The following C8orf74 variants were observed in gnomAD, a reference collection of about 807,000 sequenced individuals.
The protein encoded by C8orf74 is uncharacterized protein C8orf74.
A neutral mutation model predicts 22.2 loss-of-function variants in C8orf74; 29 were observed. The observed-to-expected ratio is 1.31, with a 90% CI of 0.97 to 1.78. The LOEUF is 1.78. Among genes scored for constraint, C8orf74 ranks in the 40% most tolerant of loss-of-function variants. The probability of loss-of-function intolerance (pLI) is 0.00; values close to 1 mark genes in which losing one functional copy is unlikely to be tolerated. For missense variants in C8orf74, 515 were observed against 369.9 expected (o/e 1.39, Z -3.22); for synonymous variants, 255 against 163.1 (o/e 1.56, Z -4.30).
chr8:10,694,914 G>A (rs941589649), intron 2 of C8orf74, among the ~76,000 whole-genome samples: 1 of 151,994 alleles, frequency 6.6e-6, no homozygotes, highest in African/African-American at 2.4e-5. Flanking sequence ...ATGGATGGGT[G>A]GACGGATGGA....
intron 1 of C8orf74, among the ~76,000 whole-genome samples, chr8:10,674,231 A>G (rs1368228516): frequency 1.1e-5 from 1 of 87,876 alleles, no homozygotes; most frequent in Non-Finnish European, 2.2e-5. Flanking sequence ...CCACAACCCC[A>G]TATCATACCC....
Position 10,680,544 on chromosome 8 carries a change from C to T in C8orf74, c.241+5706C>T, listed in dbSNP as rs545813938. 2.0e-5 allele frequency among the ~76,000 whole-genome samples: 3 copies of T among 152,334 alleles called. No homozygotes were observed. The South Asian group carries it at 6.2e-4, about 32-fold the overall frequency. On this transcript the variant is annotated intron_variant, in intron 2 of 3. Coordinates refer to ENST00000304519, the MANE Select transcript of C8orf74 (RefSeq NM_001040032.2). The stretch of plus-strand genomic sequence containing the variant: ...CATGGTTCAGGGCAAGAAGGAGCTG[C>T]ACGCAGGCCATCAGGGTGCTCACTG...
intron 3 of C8orf74, among the ~76,000 whole-genome samples, chr8:10,699,119 T>C (rs921452794): frequency 6.6e-6 from 1 of 152,190 alleles, no homozygotes; most frequent in Non-Finnish European, 1.5e-5. Context: ...TGCAGGGACC[T>C]TGCTCTAGCA....
At position 10,697,976 on chromosome 8, in the gene C8orf74, G is replaced by A. The variant is rs1220245125; in HGVS notation, c.619G>A (p.Ala207Thr). 6.0e-6 allele frequency: 9 copies of A among 1,511,714 alleles called. No homozygotes were observed. The highest frequency in any genetic ancestry group is 7.9e-6 in the Non-Finnish European group (9 of 1,132,822). The allele number at this position is 1,511,714 out of a possible 1,614,324, so 93.6% of individuals were successfully genotyped here. Residue 207 changes from alanine (A) to threonine (T), a missense_variant, in exon 3 of 4, where the codon GCG (alanine) becomes ACG (threonine). Ala to Thr is a moderately conservative substitution (Grantham distance 58). Transcript: ENST00000304519. ...GAAGGCGTTCGCTGCCGCCGCGCCT[G>A]CGCAGCCCGGCCAGGTCCTGGAGAG... ...LQKAFAAAAPAQPGQVLERQE... is the reference protein window; with the variant it reads ...LQKAFAAAAPTQPGQVLERQE...
At chr8:10,677,953 C>T (rs751877306) in intron 2 of C8orf74, among the ~76,000 whole-genome samples, 10 of 152,208 alleles carry the variant, frequency 6.6e-5, no homozygotes, top group Non-Finnish European at 1.3e-4. Flanking sequence ...GATACCACCT[C>T]GTTCAGACTG....
chr8:10,686,925 G>A (rs1289205673), intron 2 of C8orf74, among the ~76,000 whole-genome samples: 1 of 152,214 alleles, frequency 6.6e-6, no homozygotes, highest in Non-Finnish European at 1.5e-5. Context: ...AGGAAAGAAA[G>A]AGCCTCCACT....
chr8:10,700,382 C>G lies in C8orf74; in HGVS notation c.796C>G (p.Pro266Ala). Residue 266 changes from proline (P) to alanine (A), a missense_variant, in exon 4 of 4, where the codon CCG becomes GCG. Coordinates refer to ENST00000304519, the MANE Select transcript of C8orf74 (RefSeq NM_001040032.2). ...TLNLNAPTPI[P>A]PPITSHAGQE... The stretch of plus-strand genomic sequence containing the variant: ...GAACCTCAACGCCCCCACCCCTATC[C>G]CGCCCCCCATCACCAGCCACGCAGG... 6.2e-7 allele frequency: 1 copy of G among 1,608,056 alleles called. No individual in the cohort carries two copies. The highest frequency in any genetic ancestry group is 8.5e-7 in the Non-Finnish European group (1 of 1,174,906).
chr8:10,695,613 G>T (rs534172073), intron 2 of C8orf74, among the ~76,000 whole-genome samples: 1 of 152,308 alleles, frequency 6.6e-6, no homozygotes, highest in East Asian at 1.9e-4. Context: ...TACAGAGCAA[G>T]ACAGCCTCAG....
chr8:10,681,522 G>A (rs1015878996), intron 2 of C8orf74, among the ~76,000 whole-genome samples: 2 of 152,090 alleles, frequency 1.3e-5, no homozygotes, highest in African/African-American at 4.8e-5. Context: ...GGGTGCCCAG[G>A]AGGCCTGCAC....
chr8:10,680,249 G>A (rs1039380181), intron 2 of C8orf74, among the ~76,000 whole-genome samples: 2 of 152,306 alleles, frequency 1.3e-5, no homozygotes, highest in African/African-American at 4.8e-5. Flanking sequence ...ATCCCACTGC[G>A]GTCACGACAC....
intron 2 of C8orf74, among the ~76,000 whole-genome samples, chr8:10,682,490 G>T (rs1372827992): frequency 1.3e-5 from 2 of 152,154 alleles, no homozygotes; most frequent in African/African-American, 2.4e-5. Flanking sequence ...GTGGACATCC[G>T]CCTTCTCCCC....
intron 3 of C8orf74, among the ~76,000 whole-genome samples, chr8:10,699,603 G>A (rs1214831091): frequency 6.6e-6 from 1 of 152,198 alleles, no homozygotes; most frequent in Non-Finnish European, 1.5e-5. Flanking sequence ...TAACTCTGAT[G>A]GAGTTGACCA....
chr8:10,680,034 A>G (rs958555209), intron 2 of C8orf74: 3 of 152,422 alleles, frequency 2.0e-5, no homozygotes, highest in African/African-American at 7.2e-5. Context: ...CATATGGCAC[A>G]GAATAGGAGT....
In C8orf74 at chr8:10,687,850, A is replaced by G. The variant is rs115726771; in HGVS notation, c.242-9749A>G. On this transcript the variant is annotated intron_variant, in intron 2 of 3. Transcript: ENST00000304519. ...GCATAAATTATAAATCTTCATCTTGATATTTCTCAGAAAGTGTGCCCATTT... is the reference window on the plus strand; with the variant it reads ...GCATAAATTATAAATCTTCATCTTGGTATTTCTCAGAAAGTGTGCCCATTT... 5.5e-3 allele frequency among the ~76,000 whole-genome samples: 835 copies of G among 152,288 alleles called. 8 individuals carry two copies. The highest frequency in any genetic ancestry group is 0.019 in the African/African-American group (801 of 41,558).
chr8:10,672,681 C>A lies in C8orf74; in HGVS notation c.16C>A (p.Pro6Thr), dbSNP rs1392191738. 7 of 1,566,072 alleles carry A rather than the reference C, an allele frequency of 4.5e-6. No homozygotes were observed. The Admixed American group carries it at 5.7e-5, about 13-fold the overall frequency. Reference protein sequence around the residue: MALLTPQGVKEVFQLQ... With the variant: MALLTTQGVKEVFQLQ... Reference sequence around the variant, plus strand: ...TGCAGGGGCCATGGCACTCTTAACACCCCAGGGAGTGAAAGAAGTCTTCCA... The same window carrying A: ...TGCAGGGGCCATGGCACTCTTAACAACCCAGGGAGTGAAAGAAGTCTTCCA... The change falls in exon 1 of 4, where the codon CCC (proline) becomes ACC (threonine). Residue 6 changes from proline to threonine, a missense_variant. Pro to Thr is a conservative substitution (Grantham distance 38). Coordinates refer to ENST00000304519, the MANE Select transcript of C8orf74 (RefSeq NM_001040032.2).
intron 2 of C8orf74, among the ~76,000 whole-genome samples, chr8:10,693,857 C>G (rs918445958): frequency 4.6e-5 from 7 of 152,248 alleles, no homozygotes; most frequent in African/African-American, 1.7e-4. Flanking sequence ...GCCCTGGCTT[C>G]TAAGTGTGGC....
chr8:10,691,881 C>T (rs940456573), intron 2 of C8orf74: 1 of 152,386 alleles, frequency 6.6e-6, no homozygotes, highest in African/African-American at 2.4e-5. Context: ...CTGGGTCCCC[C>T]AGCTCAGTCC....
At chr8:10,688,366 C>T (rs771496726) in intron 2 of C8orf74, 2 of 152,162 alleles carry the variant, frequency 1.3e-5, no homozygotes, top group Non-Finnish European at 2.9e-5. Flanking sequence ...AACACTGATG[C>T]CCAGAGAGGC....
chr8:10,683,534 C>T lies in C8orf74; in HGVS notation c.241+8696C>T, dbSNP rs141286225. 2.2e-3 allele frequency among the ~76,000 whole-genome samples: 329 copies of T among 152,332 alleles called. 3 individuals are homozygous for T. The highest frequency in any genetic ancestry group is 7.5e-3 in the African/African-American group (310 of 41,570). ...CCCTGAGACTGTGGGACTGCCTAGT[C>T]GCTTTCATCTCTGGGGGATGATGAC... On this transcript the variant is annotated intron_variant, in intron 2 of 3. Transcript: ENST00000304519.
Sources: gnomAD v4.1 joint callset for allele counts (sites outside exome capture counted in the v4.1 genomes callset) on GRCh38, gnomAD v4.1.1 for gene constraint, MANE v1.5 for transcripts, NCBI Gene and HGNC (gene_info 2026-07-23, HGNC 2026-07-21) for gene names.